The following RBL2 variants were observed in gnomAD, a reference collection of about 807,000 sequenced individuals.
RBL2 encodes the protein retinoblastoma-like protein 2.
Under a neutral mutation model 126.0 loss-of-function variants are expected in RBL2, and 56 were observed. The observed-to-expected ratio is 0.44, with a 90% CI of 0.36 to 0.56. RBL2 has a LOEUF of 0.56. Among genes scored for constraint, RBL2 ranks in the 20% least tolerant of loss-of-function variants. RBL2 has a pLI of 0.00. For synonymous variants in RBL2, 454 were observed against 478.5 expected (o/e 0.95, Z 0.67); for missense variants, 1,229 against 1,398.2 (o/e 0.88, Z 1.93).
intron 8 of RBL2, among the ~76,000 whole-genome samples, chr16:53,455,984 C>G (rs12102623): frequency 0.041 from 6,302 of 151,992 alleles, 372 homozygotes; most frequent in African/African-American, 0.14. Flanking sequence ...GTCTGGGCAA[C>G]AAAGTGAGAC....
At chr16:53,442,886 A>G (rs752140114) in intron 3 of RBL2, 28 bp downstream of exon 3, 11 of 1,558,538 alleles carry the variant, frequency 7.1e-6, no homozygotes, top group Non-Finnish European at 9.7e-6. Context: ...TTCATCAGGA[A>G]TACACGTTAG....
At chr16:53,446,587 TA>T (rs1295646172) in intron 3 of RBL2, among the ~76,000 whole-genome samples, 2 of 152,158 alleles carry the variant, frequency 1.3e-5, no homozygotes, top group African/African-American at 4.8e-5. Flanking sequence ...AGGAAGCTCA[TA>T]ATTTACATTA....
At chr16:53,438,179 G>A (rs1024364963) in intron 1 of RBL2, among the ~76,000 whole-genome samples, 4 of 152,160 alleles carry the variant, frequency 2.6e-5, no homozygotes, top group African/African-American at 7.2e-5. Flanking sequence ...CAGTGTGGAT[G>A]TCATGTTTCT....
chr16:53,489,656 T>TA (rs1961325688), intron 21 of RBL2: 1 of 152,214 alleles, frequency 6.6e-6, no homozygotes, highest in Non-Finnish European at 1.5e-5. Context: ...ATGGATACCT[T>TA]AGGGGGGGAT....
Position 53,457,257 on chromosome 16 carries a change from G to GC in RBL2, c.1180-2193dup, listed in dbSNP as rs754841367. Among the ~76,000 whole-genome samples the GC allele has an allele frequency of 5.2e-3, 368 of 70,566 alleles. 66 individuals carry two copies. Among genetic ancestry groups the GC allele is most frequent in the Middle Eastern group, 0.02 (2 of 102 alleles). 46.3% of individuals were successfully genotyped at this position (70,566 alleles called of 152,430 possible). A position where few individuals can be genotyped will look rare whatever the true frequency, so the allele number is the denominator to read the frequency against. On this transcript the variant is annotated intron_variant, in intron 8 of 21. Transcript: ENST00000262133. ...GGGGTCATCAGGGTGGGTACAGATA[G>GC]CTTTTTTTTTTTTTTTTTTTGAGAT...
At chr16:53,478,573 T>C (rs1272454307) in intron 17 of RBL2, among the ~76,000 whole-genome samples, 1 of 121,280 alleles carries the variant, frequency 8.2e-6, no homozygotes, top group Non-Finnish European at 1.7e-5. Context: ...CTAGTTCAAA[T>C]CTGTTTTCCC....
At chr16:53,478,782 C>T (rs1355397692) in intron 17 of RBL2, among the ~76,000 whole-genome samples, 4 of 151,898 alleles carry the variant, frequency 2.6e-5, no homozygotes, top group African/African-American at 9.7e-5. Flanking sequence ...CCACCATGCC[C>T]GGCTAATTTT....
At chr16:53,439,954 C>CAAAAAAAAAAAAAAAAAAAAAAAAA (rs10591959) in intron 2 of RBL2, among the ~76,000 whole-genome samples, 1 of 91,966 alleles carries the variant, frequency 1.1e-5, no homozygotes, top group African/African-American at 4.0e-5. Flanking sequence ...ACCTTGTCTC[C>CAAAAAAAAAAAAAAAAAAAAAAAAA]AAAAAAAAAA....
intron 12 of RBL2, chr16:53,464,945 C>T (rs1338584827): frequency 6.6e-6 from 1 of 152,660 alleles, no homozygotes; most frequent in South Asian, 2.1e-4. Flanking sequence ...AGGCGGCCGC[C>T]ACCACACCCG....
intron 3 of RBL2, chr16:53,445,632 G>A (rs1265664700): frequency 6.6e-6 from 1 of 152,192 alleles, no homozygotes; most frequent in Non-Finnish European, 1.5e-5. Context: ...GAACCCATGT[G>A]CTTTACTGTG....
At chr16:53,458,500 G>A (rs1267348082) in intron 8 of RBL2, among the ~76,000 whole-genome samples, 1 of 152,204 alleles carries the variant, frequency 6.6e-6, no homozygotes, top group African/African-American at 2.4e-5. Flanking sequence ...TAGAGGAGGG[G>A]CAGGAAGACC....
At chr16:53,453,649 T>A in intron 6 of RBL2, 37 bp downstream of exon 6, 1 of 1,603,788 alleles carries the variant, frequency 6.2e-7, no homozygotes, top group Non-Finnish European at 8.5e-7. Flanking sequence ...GAAAATGTTT[T>A]CTGGAGAAAA....
Position 53,479,105 on chromosome 16 carries a change from T to TTA in RBL2, c.2704-47_2704-46dup, listed in dbSNP as rs749677359. On this transcript the variant is annotated intron_variant, in intron 17 of 21. Transcript: ENST00000262133. Reference sequence around the variant, plus strand: ...CAGGTTCACAGAGCTCCTCACACTATTATGGTGGTAGTTGCCATGTCTCTC... The same window carrying TTA: ...CAGGTTCACAGAGCTCCTCACACTATTATATGGTGGTAGTTGCCATGTCTCTC... The TTA allele has an allele frequency of 2.5e-5, 36 of 1,442,894 alleles. 3 individuals are homozygous for TTA. In the South Asian group the frequency reaches 4.1e-4, roughly 16 times the overall value. 89.4% of individuals were successfully genotyped at this position (1,442,894 alleles called of 1,614,324 possible). A position where few individuals can be genotyped will look rare whatever the true frequency, so the allele number is the denominator to read the frequency against.
At chr16:53,451,905 T>C in intron 5 of RBL2, 74 bp downstream of exon 5, 1 of 1,526,588 alleles carries the variant, frequency 6.6e-7, no homozygotes, top group Admixed American at 1.7e-5. Flanking sequence ...TTGTACAGGT[T>C]TCCTAGCATC....
At chr16:53,456,092 G>A (rs2058164696) in intron 8 of RBL2, among the ~76,000 whole-genome samples, 1 of 152,074 alleles carries the variant, frequency 6.6e-6, no homozygotes, top group South Asian at 2.1e-4. Context: ...AGGAGGATTC[G>A]TTGAGCCCAG....
chr16:53,489,945 T>C (rs1961344754), intron 21 of RBL2, 185 bp from the exon 22 acceptor site: 2 of 413,542 alleles, frequency 4.8e-6, no homozygotes, highest in East Asian at 7.2e-5. Context: ...CCTTCTCAAA[T>C]AGCCATCGGC....
At position 53,479,957 on chromosome 16, in the gene RBL2, T is replaced by C. The variant is rs780440318; in HGVS notation, c.2847T>C (p.His949=). ...RNSGSSDSRS[H]QNSPTELNKD... is the part of the protein sequence containing the mutation. ...CTGGCAGCAGTGATAGCAGAAGCCA[T>C]CAGAATTCTCCAACAGAACTAAACA... Residue 949 remains histidine, a synonymous_variant, in exon 19 of 22, where the codon CAT becomes CAC. Coordinates refer to ENST00000262133, the MANE Select transcript of RBL2 (RefSeq NM_005611.4). 3 of 1,610,718 alleles carry C rather than the reference T, an allele frequency of 1.9e-6. No individual in the cohort carries two copies. The highest frequency in any genetic ancestry group is 2.2e-5 in the South Asian group (2 of 90,590).
intron 17 of RBL2, 105 bp downstream of exon 17, chr16:53,471,027 A>G (rs1192896730): frequency 3.7e-5 from 45 of 1,219,498 alleles, no homozygotes; most frequent in Non-Finnish European, 5.1e-5. Context: ...TAATTCACCT[A>G]TTTAAAATGC....
chr16:53,436,092 A>G (rs955357207), intron 1 of RBL2, among the ~76,000 whole-genome samples: 3 of 152,210 alleles, frequency 2.0e-5, no homozygotes, highest in Non-Finnish European at 4.4e-5. Flanking sequence ...TGAGTAAGCT[A>G]TGTTCCTATT....
Sources: gnomAD v4.1 joint callset for allele counts (sites outside exome capture counted in the v4.1 genomes callset) on GRCh38, gnomAD v4.1.1 for gene constraint, MANE v1.5 for transcripts, NCBI Gene and HGNC (gene_info 2026-07-23, HGNC 2026-07-21) for gene names.